The following ARPC4 variants were observed in gnomAD, a reference collection of about 807,000 sequenced individuals.
The protein encoded by ARPC4 is actin-related protein 2/3 complex subunit 4.
ARPC4 carries 3 observed loss-of-function variants against 22.8 expected under a neutral mutation model. The observed-to-expected ratio is 0.13, with a 90% CI of 0.06 to 0.34. The LOEUF is 0.34. ARPC4 is among the 10% of genes least tolerant of loss of function. The probability of loss-of-function intolerance (pLI) is 1.00; values close to 1 mark genes in which losing one functional copy is unlikely to be tolerated. For missense variants in ARPC4, 98 were observed against 211.0 expected, an observed-to-expected ratio of 0.46 and a Z score of 3.32; for synonymous variants, 80 against 72.5, an observed-to-expected ratio of 1.10 and a Z score of -0.52.
At chr3:9,797,180 A>T (rs1480547854) in intron 1 of ARPC4, among the ~76,000 whole-genome samples, 1 of 152,186 alleles carries the variant, frequency 6.6e-6, no homozygotes, top group Non-Finnish European at 1.5e-5. Context: ...CAAACAGTAC[A>T]CCTATACATT....
upstream of ARPC4, chr3:9,793,046 G>A: frequency 6.5e-7 from 1 of 1,543,460 alleles, no homozygotes; most frequent in African/African-American, 1.4e-5. Flanking sequence ...CCGTAGCTGC[G>A]CTTCTCGCGA....
chr3:9,802,627 G>A (rs1193306565), intron 4 of ARPC4, among the ~76,000 whole-genome samples: 51 of 150,410 alleles, frequency 3.4e-4, no homozygotes, highest in Non-Finnish European at 5.9e-4. Flanking sequence ...TGCCTGCCTC[G>A]GCCTCCCAAA....
intron 3 of ARPC4, among the ~76,000 whole-genome samples, chr3:9,801,232 A>AG (rs1457017074): frequency 1.4e-5 from 2 of 147,944 alleles, no homozygotes; most frequent in African/African-American, 2.6e-5. Flanking sequence ...AAAAAAAAAA[A>AG]AAAAAGAAAT....
At chr3:9,793,160 C>A in intron 1 of ARPC4, 36 bp downstream of exon 1, 1 of 1,535,820 alleles carries the variant, frequency 6.5e-7, no homozygotes, top group Non-Finnish European at 8.8e-7. Flanking sequence ...GGACCCCCGG[C>A]TGTTCGGCCT....
At chr3:9,793,399 G>A (rs1240212299) in intron 1 of ARPC4, among the ~76,000 whole-genome samples, 1 of 152,218 alleles carries the variant, frequency 6.6e-6, no homozygotes, top group African/African-American at 2.4e-5. Context: ...GAACCCGGAA[G>A]TGGGGTCTCC....
At position 9,806,345 on chromosome 3, in the gene ARPC4, G is replaced by C; in HGVS notation, c.*130G>C. On this transcript the variant is annotated 3_prime_UTR_variant, in exon 6 of 6. Transcript: ENST00000397261. ...GTTGGGGTGGGCATTTGATGCGGGA[G>C]GTGGGTGGTGTGCTTGCTAGCTGGG... 9.5e-7 allele frequency: 1 copy of C among 1,054,144 alleles called. No homozygotes were observed. The highest frequency in any genetic ancestry group is 1.5e-6 in the Non-Finnish European group (1 of 673,128). 65.3% of individuals were successfully genotyped at this position (1,054,144 alleles called of 1,614,324 possible).
intron 4 of ARPC4, among the ~76,000 whole-genome samples, chr3:9,802,844 A>G (rs1179112391): frequency 6.7e-6 from 1 of 149,422 alleles, no homozygotes; most frequent in African/African-American, 2.5e-5. Flanking sequence ...TGCCCAGCTA[A>G]TTTTGTATTT....
In ARPC4 at chr3:9,800,261, A is replaced by G. The variant is rs769037263; in HGVS notation, c.199A>G (p.Ile67Val). The change falls in exon 3 of 6, where the codon ATC becomes GTC. Residue 67 changes from isoleucine to valine, a missense_variant. Transcript: ENST00000397261. ...GGAAAAGGTTCTGATTGAGGGCTCC[A>G]TCAACTCTGTCCGGGTCAGCATTGC... is the stretch of plus-strand genomic sequence containing the variant. The part of the protein sequence containing the change: ...EKEKVLIEGS[I>V]NSVRVSIAVK... The G allele has an allele frequency of 1.1e-5, 17 of 1,614,034 alleles. No homozygotes were observed. The highest frequency in any genetic ancestry group is 1.4e-5 in the Non-Finnish European group (17 of 1,180,038).
intron 4 of ARPC4, among the ~76,000 whole-genome samples, chr3:9,802,084 C>T (rs1053949362): frequency 1.4e-4 from 21 of 151,296 alleles, no homozygotes; most frequent in Admixed American, 6.6e-5. Context: ...ATTAAAAATA[C>T]AAAAATTAGC....
At chr3:9,793,048 T>C (rs1195747739), upstream of ARPC4, 10 of 1,543,816 alleles carry the variant, frequency 6.5e-6, no homozygotes, top group African/African-American at 6.9e-5. Flanking sequence ...GTAGCTGCGC[T>C]TCTCGCGAAA....
chr3:9,801,945 A>G (rs138410349), intron 4 of ARPC4, among the ~76,000 whole-genome samples, 189 bp downstream of exon 4: 122 of 152,284 alleles, frequency 8.0e-4, no homozygotes, highest in African/African-American at 2.9e-3. Flanking sequence ...TCAGCCATAG[A>G]AAAGGCAAAA....
chr3:9,797,917 T>G, intron 2 of ARPC4, 140 bp downstream of exon 2: 1 of 890,320 alleles, frequency 1.1e-6, no homozygotes, highest in Non-Finnish European at 1.7e-6. Context: ...AGCTGAATGG[T>G]GATTCCCAAT....
At chr3:9,792,931 C>A (rs906613910), upstream of ARPC4, 3 of 1,397,372 alleles carry the variant, frequency 2.1e-6, no homozygotes, top group East Asian at 5.7e-5. Context: ...TTTAAAAATA[C>A]CGAGACAGCC....
intron 1 of ARPC4, 177 bp downstream of exon 1, chr3:9,793,301 G>A: frequency 1.6e-6 from 2 of 1,237,476 alleles, no homozygotes; most frequent in Non-Finnish European, 2.2e-6. Flanking sequence ...AGGAAGGGGC[G>A]AGTGGGGGTA....
upstream of ARPC4, chr3:9,793,028 G>T: frequency 6.5e-7 from 1 of 1,537,860 alleles, no homozygotes; most frequent in South Asian, 1.2e-5. Context: ...CGGAAGTCCG[G>T]GCGGAGACCG....
intron 5 of ARPC4, among the ~76,000 whole-genome samples, chr3:9,805,922 G>A (rs992509298): frequency 6.6e-6 from 1 of 152,222 alleles, no homozygotes; most frequent in Non-Finnish European, 1.5e-5. Flanking sequence ...CAGGACGCTG[G>A]CAGGGCTTTC....
chr3:9,793,331 C>T lies in ARPC4; in HGVS notation c.3+207C>T, dbSNP rs527689918. ...GGGGTACTCCCTGGTATGAAGTGGG[C>T]CTTGTGGCTTCACGGTCAGCCTTCG... On this transcript the variant is annotated intron_variant, in intron 1 of 5. Coordinates refer to ENST00000397261, the MANE Select transcript of ARPC4 (RefSeq NM_005718.5). 7 of 1,067,978 alleles carry T rather than the reference C, an allele frequency of 6.6e-6. No individual in the cohort carries two copies. In the Admixed American group the frequency reaches 1.9e-4, roughly 28 times the overall value. 66.2% of individuals were successfully genotyped at this position (1,067,978 alleles called of 1,614,324 possible).
intron 1 of ARPC4, 91 bp from the exon 2 acceptor site, chr3:9,797,568 C>T (rs1322444379): frequency 1.4e-6 from 2 of 1,431,024 alleles, no homozygotes; most frequent in Admixed American, 3.6e-5. Flanking sequence ...ACCCTCAGTG[C>T]TACCTGGCTT....
In ARPC4 at chr3:9,801,765, C is replaced by G. The variant is rs765121524; in HGVS notation, c.330+9C>G. The G allele has an allele frequency of 1.3e-6, 2 of 1,591,458 alleles. No homozygotes were observed. Among genetic ancestry groups the G allele is most frequent in the South Asian group, 1.1e-5 (1 of 88,580 alleles). On this transcript the variant is annotated intron_variant, in intron 4 of 5. Transcript: ENST00000397261. ...GAAGGAAGCCTGTGGAGGTGAGACC[C>G]TGTGACCCATGAGTTTGCGATACCC...
Sources: gnomAD v4.1 joint callset for allele counts (sites outside exome capture counted in the v4.1 genomes callset) on GRCh38, gnomAD v4.1.1 for gene constraint, MANE v1.5 for transcripts, NCBI Gene and HGNC (gene_info 2026-07-23, HGNC 2026-07-21) for gene names.